PCSK5: variants seen among roughly 807,000 people sequenced by gnomAD.
PCSK5 encodes prohormone convertase 5.
A neutral mutation model predicts 233.2 loss-of-function variants in PCSK5; 129 were observed. That is an observed-to-expected ratio of 0.55 (90% CI 0.48 to 0.64). PCSK5 has a LOEUF of 0.64. PCSK5 is among the 30% of genes least tolerant of loss of function. PCSK5 has a pLI of 0.00. For synonymous variants in PCSK5, 825 were observed against 879.2 expected (o/e 0.94, Z 1.09); for missense variants, 2,076 against 2,430.1 (o/e 0.85, Z 3.06).
intron 10 of PCSK5, 77 bp downstream of exon 10, chr9:76,134,289 A>C: frequency 1.2e-6 from 1 of 835,704 alleles, no homozygotes; most frequent in Non-Finnish European, 1.9e-6. Flanking sequence ...AGCAGGAAAC[A>C]GAACCCCTCA....
intron 9 of PCSK5, among the ~76,000 whole-genome samples, chr9:76,115,070 CT>C (rs764060840): frequency 6.9e-4 from 105 of 152,072 alleles, no homozygotes; most frequent in Non-Finnish European, 1.1e-3. Context: ...AAATCAAGAT[CT>C]AGTTTCTTTG....
rs573643466 is a variant in PCSK5, at chr9:76,196,244, C to T, written c.2626+6498C>T. Among the ~76,000 whole-genome samples, 36 of 152,354 alleles carry T rather than the reference C, an allele frequency of 2.4e-4. No homozygotes were observed. The South Asian group carries it at 6.4e-3, about 27-fold the overall frequency. On this transcript the variant is annotated intron_variant, in intron 20 of 37. Coordinates refer to ENST00000674117, the MANE Select transcript of PCSK5 (RefSeq NM_001372043.1). ...CCCATTCTTCCTGTAGTGCGCAGCA[C>T]ACCCACTAGTATGTGTCTGTAGGGT...
At chr9:76,322,462 A>G (rs575400792) in intron 31 of PCSK5, among the ~76,000 whole-genome samples, 1 of 152,208 alleles carries the variant, frequency 6.6e-6, no homozygotes, top group African/African-American at 2.4e-5. Context: ...TCTCCAGAAT[A>G]AGACAGACTC....
intron 21 of PCSK5, 85 bp from the exon 22 acceptor site, chr9:76,233,375 C>A: frequency 7.4e-7 from 1 of 1,356,594 alleles, no homozygotes; most frequent in Non-Finnish European, 1.0e-6. Flanking sequence ...ATCTGTCCAG[C>A]AAACATGAAT....
At chr9:76,358,405 A>G in intron 37 of PCSK5, 108 bp from the exon 38 acceptor site, 1 of 832,892 alleles carries the variant, frequency 1.2e-6, no homozygotes, top group Middle Eastern at 2.4e-4. Context: ...TACCATTTTC[A>G]ATTTTTAAAA....
At chr9:76,259,485 A>T (rs183896630) in intron 24 of PCSK5, among the ~76,000 whole-genome samples, 4 of 145,720 alleles carry the variant, frequency 2.7e-5, no homozygotes, top group Admixed American at 1.4e-4. Flanking sequence ...ACACACACAC[A>T]CACTCACTTC....
intron 3 of PCSK5, among the ~76,000 whole-genome samples, chr9:76,016,779 A>G (rs1229903165): frequency 3.3e-5 from 5 of 152,238 alleles, no homozygotes; most frequent in Non-Finnish European, 7.3e-5. Context: ...CACAAAATGT[A>G]CAAATGAGAA....
chr9:75,925,915 G>A (rs996997397), intron 1 of PCSK5, among the ~76,000 whole-genome samples: 2 of 152,202 alleles, frequency 1.3e-5, no homozygotes, highest in African/African-American at 4.8e-5. Context: ...CACTGCCTCT[G>A]TAACTTTCTG....
At chr9:76,027,688 T>C (rs1828488119) in intron 5 of PCSK5, among the ~76,000 whole-genome samples, 1 of 151,710 alleles carries the variant, frequency 6.6e-6, no homozygotes, top group African/African-American at 2.4e-5. Context: ...ATTTTAACAT[T>C]CCTCAGGCAA....
chr9:75,931,487 T>C (rs1171649003), intron 1 of PCSK5, among the ~76,000 whole-genome samples: 1 of 152,116 alleles, frequency 6.6e-6, no homozygotes, highest in South Asian at 2.1e-4. Flanking sequence ...AGAGACTTAG[T>C]GTATGTTATT....
At chr9:76,238,871 T>G (rs946621786) in intron 22 of PCSK5, 88 bp from the exon 23 acceptor site, 1 of 1,019,610 alleles carries the variant, frequency 9.8e-7, no homozygotes, top group African/African-American at 1.6e-5. Flanking sequence ...CAGTCGCATC[T>G]TTTTAAAATA....
At chr9:76,217,746 G>A (rs552072001) in intron 20 of PCSK5, among the ~76,000 whole-genome samples, 249 of 152,300 alleles carry the variant, frequency 1.6e-3, no homozygotes, top group African/African-American at 5.8e-3. Context: ...CTCTACTGTG[G>A]AACCAGTGAG....
rs755144487 is a variant in PCSK5 at position 76,302,184 on chromosome 9, G to A, written c.3571G>A (p.Glu1191Lys). The change falls in exon 28 of 38, where the codon GAG becomes AAG. Residue 1191 changes from glutamate (E) to lysine (K), a missense_variant. Around this residue, in one of 6 missense-constraint regions of PCSK5, gnomAD observed 1,510 missense variants for 1,538.1 expected, o/e 0.98. Coordinates refer to ENST00000674117, the MANE Select transcript of PCSK5 (RefSeq NM_001372043.1). Reference sequence around the variant, plus strand: ...ATCTGTGGTGAAGAGCCTGCTGCAGGAGCGACGAAGGTGGAAAGTTCAAAT... The same window carrying A: ...ATCTGTGGTGAAGAGCCTGCTGCAGAAGCGACGAAGGTGGAAAGTTCAAAT... ...NLSVVKSLLQ[E>K]RRRWKVQIKR... 1.5e-6 allele frequency: 2 copies of A among 1,356,760 alleles called. No homozygotes were observed. Among genetic ancestry groups the A allele is most frequent in the Non-Finnish European group, 2.0e-6 (2 of 1,017,910 alleles). 84.0% of individuals were successfully genotyped at this position (1,356,760 alleles called of 1,614,324 possible).
intron 22 of PCSK5, among the ~76,000 whole-genome samples, chr9:76,234,850 T>A (rs1181044718): frequency 3.3e-5 from 5 of 152,214 alleles, no homozygotes; most frequent in Admixed American, 6.5e-5. Flanking sequence ...AGCATTTGAG[T>A]TTCTCTTGCT....
chr9:76,189,236 G>GC lies in PCSK5; in HGVS notation c.2510+18dup. 2 of 1,608,980 alleles carry GC rather than the reference G, an allele frequency of 1.2e-6. No homozygotes were observed. The highest frequency in any genetic ancestry group is 1.7e-6 in the Non-Finnish European group (2 of 1,178,306). On this transcript the variant is annotated intron_variant, in intron 19 of 37. Transcript: ENST00000674117. ...AATCCTGCAAAAAGTAAGTGGATCT[G>GC]CCCCCTGGGCCCTAGCATTTAGACC... is the stretch of plus-strand genomic sequence containing the variant.
chr9:76,055,014 G>T (rs1030437266), intron 5 of PCSK5, among the ~76,000 whole-genome samples: 2 of 151,792 alleles, frequency 1.3e-5, no homozygotes, highest in Non-Finnish European at 1.5e-5. Context: ...CTTGCCTACA[G>T]CGTGTTATCT....
chr9:76,356,144 A>G (rs188885080), intron 37 of PCSK5, among the ~76,000 whole-genome samples: 10 of 152,294 alleles, frequency 6.6e-5, no homozygotes, highest in African/African-American at 2.2e-4. Context: ...CCTAATATCC[A>G]TTCTGTGTCA....
chr9:76,353,815 C>G (rs931429007), intron 36 of PCSK5, among the ~76,000 whole-genome samples: 1 of 152,210 alleles, frequency 6.6e-6, no homozygotes, highest in Non-Finnish European at 1.5e-5. Flanking sequence ...CTGTTATTAG[C>G]AGATCTCAAA....
intron 10 of PCSK5, among the ~76,000 whole-genome samples, chr9:76,147,062 C>T (rs1823470123): frequency 6.6e-6 from 1 of 152,100 alleles, no homozygotes; most frequent in South Asian, 2.1e-4. Context: ...ATAGACAAGT[C>T]AGTGCATTTT....
Sources: gnomAD v4.1 joint callset for allele counts (sites outside exome capture counted in the v4.1 genomes callset) on GRCh38, gnomAD v4.1.1 for gene constraint, gnomAD v4.1.1 regional missense constraint, MANE v1.5 for transcripts, NCBI Gene and HGNC (gene_info 2026-07-23, HGNC 2026-07-21) for gene names.